OTUD3: variants seen among roughly 807,000 people sequenced by gnomAD.
OTUD3 encodes OTU domain-containing protein 3.
In OTUD3, 24 loss-of-function variants were observed where a neutral mutation model predicts 46.2. The ratio of observed to expected loss-of-function variants is 0.52; its 90% CI spans 0.38 to 0.73. OTUD3 has a LOEUF of 0.73. OTUD3 is among the 30% of genes least tolerant of loss of function. OTUD3 has a pLI of 0.00. For missense variants in OTUD3, 455 were observed against 523.3 expected (o/e 0.87, Z 1.27); for synonymous variants, 189 against 195.4 (o/e 0.97, Z 0.27).
At chr1:19,887,187 C>T (rs757959199) in intron 1 of OTUD3, among the ~76,000 whole-genome samples, 5 of 151,318 alleles carry the variant, frequency 3.3e-5, no homozygotes, top group Non-Finnish European at 7.4e-5. Context: ...CAGGTTCAAG[C>T]GATTCTCCTG....
chr1:19,897,259 A>C (rs2045529288), intron 3 of OTUD3, among the ~76,000 whole-genome samples: 1 of 152,208 alleles, frequency 6.6e-6, no homozygotes, highest in African/African-American at 2.4e-5. Flanking sequence ...ACAGCCTCTG[A>C]AGCTTAAGCT....
At chr1:19,884,978 A>T (rs2045336560) in intron 1 of OTUD3, among the ~76,000 whole-genome samples, 1 of 152,200 alleles carries the variant, frequency 6.6e-6, no homozygotes, top group Admixed American at 6.5e-5. Context: ...TACTCATTGG[A>T]TACACTGCTA....
At chr1:19,890,672 C>A in intron 2 of OTUD3, 139 bp downstream of exon 2, 2 of 829,880 alleles carry the variant, frequency 2.4e-6, no homozygotes, top group Admixed American at 2.1e-5. Context: ...ATTTGTTTGC[C>A]TACTTGGTTA....
Position 19,909,819 on chromosome 1 carries a change from CAT to C in OTUD3, c.*2074_*2075del, listed in dbSNP as rs2045711528. On this transcript the variant is annotated 3_prime_UTR_variant, in exon 8 of 8. Transcript: ENST00000375120. ...AAAAGTTATTAAAGAATATTGGGAA[CAT>C]TTATTTTTTAAATTACCTAATTCTG... 3 of 152,458 alleles carry C rather than the reference CAT, an allele frequency of 2.0e-5. No homozygotes were observed. Among genetic ancestry groups the C allele is most frequent in the Admixed American group, 2.0e-4 (3 of 15,302 alleles). The allele number at this position is 152,458 out of a possible 1,614,324, so 9.4% of individuals were successfully genotyped here. A position where few individuals can be genotyped will look rare whatever the true frequency, so the allele number is the denominator to read the frequency against.
At position 19,887,082 on chromosome 1, in the gene OTUD3, CTTTTTTTTT is replaced by C. The variant is rs35763768; in HGVS notation, c.222-3295_222-3287del. Among the ~76,000 whole-genome samples the C allele has an allele frequency of 3.0e-3, 402 of 133,490 alleles. 9 individuals are homozygous for C. The highest frequency in any genetic ancestry group is 1.1e-3 in the Non-Finnish European group (71 of 62,568). The allele number at this position is 133,490 out of a possible 152,430, so 87.6% of individuals were successfully genotyped here. ...TCTCTCATATTTTCTTTTTCTTTTT[CTTTTTTTTT>C]TTTTTTTGGAGACATTAGAGTTTGT... On this transcript the variant is annotated intron_variant, in intron 1 of 7. Coordinates refer to ENST00000375120, the MANE Select transcript of OTUD3 (RefSeq NM_015207.2).
intron 2 of OTUD3, among the ~76,000 whole-genome samples, chr1:19,893,253 G>GCA (rs1406254646): frequency 2.6e-5 from 4 of 152,092 alleles, no homozygotes; most frequent in African/African-American, 7.2e-5. Context: ...TACAAGTTGG[G>GCA]GTCTCCCAGA....
chr1:19,885,701 G>T (rs1339924690), intron 1 of OTUD3, among the ~76,000 whole-genome samples: 2 of 152,162 alleles, frequency 1.3e-5, no homozygotes, highest in African/African-American at 4.8e-5. Context: ...TGATCCATCC[G>T]CCTTGGCCTC....
chr1:19,908,750 T>G lies in OTUD3; in HGVS notation c.*1004T>G, dbSNP rs1383732996. ...AGAGAGATACGTGGTAACTTGACCT[T>G]ATAGGTCGCTAAACTTAGTATTGTG... On this transcript the variant is annotated 3_prime_UTR_variant, in exon 8 of 8. Coordinates refer to ENST00000375120, the MANE Select transcript of OTUD3 (RefSeq NM_015207.2). 1 of 152,406 alleles carries G rather than the reference T, an allele frequency of 6.6e-6. No homozygotes were observed. Among genetic ancestry groups the G allele is most frequent in the East Asian group, 1.9e-4 (1 of 5,344 alleles). The allele number at this position is 152,406 out of a possible 1,614,324, so 9.4% of individuals were successfully genotyped here. A position where few individuals can be genotyped will look rare whatever the true frequency, so the allele number is the denominator to read the frequency against.
At position 19,906,619 on chromosome 1, in the gene OTUD3, A is replaced by G; in HGVS notation, c.1020+3A>G. On this transcript the variant is annotated splice_donor_region_variant and intron_variant, in intron 7 of 7. Coordinates refer to ENST00000375120, the MANE Select transcript of OTUD3 (RefSeq NM_015207.2). ...CAAATAAAAACCAGCTCGCAAAGGT[A>G]TGTAAGATGGGGTTGAATGGGCAGG... is the stretch of plus-strand genomic sequence containing the variant. 1.2e-6 allele frequency: 2 copies of G among 1,604,282 alleles called. No individual in the cohort carries two copies. The highest frequency in any genetic ancestry group is 1.7e-6 in the Non-Finnish European group (2 of 1,175,066).
chr1:19,907,868 A>G lies in OTUD3; in HGVS notation c.*122A>G, dbSNP rs1334192581. 4.2e-5 allele frequency: 34 copies of G among 813,820 alleles called. No homozygotes were observed. The highest frequency in any genetic ancestry group is 4.9e-5 in the Non-Finnish European group (26 of 527,402). The allele number at this position is 813,820 out of a possible 1,614,324, so 50.4% of individuals were successfully genotyped here. ...ACCAACGAAGCCCACACATGAGCTC[A>G]CACACTGAGTTAGTTTCGTTCAAGC... On this transcript the variant is annotated 3_prime_UTR_variant, in exon 8 of 8. Coordinates refer to ENST00000375120, the MANE Select transcript of OTUD3 (RefSeq NM_015207.2).
At chr1:19,893,317 C>G (rs2045474559) in intron 2 of OTUD3, among the ~76,000 whole-genome samples, 2 of 152,166 alleles carry the variant, frequency 1.3e-5, no homozygotes, top group African/African-American at 4.8e-5. Context: ...TCACTGAAAG[C>G]TGTCATGCTA....
At chr1:19,905,116 C>G (rs374651579) in intron 6 of OTUD3, 129 bp downstream of exon 6, 5 of 604,338 alleles carry the variant, frequency 8.3e-6, no homozygotes, top group Non-Finnish European at 1.2e-5. Context: ...TTATTGAGCA[C>G]GTTCTGTACG....
chr1:19,900,135 T>C (rs2045566651), intron 4 of OTUD3, among the ~76,000 whole-genome samples: 2 of 152,224 alleles, frequency 1.3e-5, no homozygotes, highest in Admixed American at 6.5e-5. Flanking sequence ...ACTGGGAAAG[T>C]CTTTCCCACT....
chr1:19,894,534 G>C, intron 3 of OTUD3, 54 bp downstream of exon 3: 2 of 1,078,898 alleles, frequency 1.9e-6, no homozygotes, highest in South Asian at 2.8e-5. Flanking sequence ...AGTCAGCTTT[G>C]GGAATATCCG....
intron 1 of OTUD3, among the ~76,000 whole-genome samples, chr1:19,888,406 A>G (rs111258813): frequency 1.8e-4 from 27 of 152,198 alleles, no homozygotes; most frequent in Non-Finnish European, 3.7e-4. Flanking sequence ...AGGTCACTGG[A>G]GTGTTTGTTC....
chr1:19,895,528 C>T (rs549240666), intron 3 of OTUD3, among the ~76,000 whole-genome samples: 2 of 152,280 alleles, frequency 1.3e-5, no homozygotes, highest in East Asian at 3.9e-4. Context: ...TTAAAGAATG[C>T]AGCCTTTTGT....
At chr1:19,899,144 G>A (rs560055340) in intron 4 of OTUD3, among the ~76,000 whole-genome samples, 15 of 152,130 alleles carry the variant, frequency 9.9e-5, no homozygotes, top group Non-Finnish European at 1.6e-4. Flanking sequence ...ATTTGTCCAT[G>A]GATTAGAATT....
At position 19,882,752 on chromosome 1, in the gene OTUD3, C is replaced by A; in HGVS notation, c.221+18C>A. ...GGGGACGGGTGAGGCGGGCCGGGAG[C>A]GAGGGAGGCGGCGCCGGGGGACGCG... On this transcript the variant is annotated intron_variant, in intron 1 of 7. Transcript: ENST00000375120. 1 of 1,295,232 alleles carries A rather than the reference C, an allele frequency of 7.7e-7. No individual in the cohort carries two copies. 80.2% of individuals were successfully genotyped at this position (1,295,232 alleles called of 1,614,324 possible).
intron 1 of OTUD3, among the ~76,000 whole-genome samples, chr1:19,889,649 AAAGAT>A (rs2045420686): frequency 6.6e-6 from 1 of 152,230 alleles, no homozygotes; most frequent in African/African-American, 2.4e-5. Context: ...GTTTGAAAGT[AAAGAT>A]AACTCTTACA....
Sources: gnomAD v4.1 joint callset for allele counts (sites outside exome capture counted in the v4.1 genomes callset) on GRCh38, gnomAD v4.1.1 for gene constraint, MANE v1.5 for transcripts, NCBI Gene and HGNC (gene_info 2026-07-23, HGNC 2026-07-21) for gene names.